The following TASP1 variants were observed in gnomAD, a reference collection of about 807,000 sequenced individuals.
TASP1 encodes the protein taspase 1.
Under a neutral mutation model 56.6 loss-of-function variants are expected in TASP1, and 16 were observed. That is an observed-to-expected ratio of 0.28 (90% confidence interval 0.19 to 0.43). TASP1 has a LOEUF of 0.43. Ranked by LOEUF, TASP1 falls within the 20% of genes least tolerant of loss-of-function variation. The probability of loss-of-function intolerance (pLI) is 1.00; values close to 1 mark genes in which losing one functional copy is unlikely to be tolerated. For missense variants in TASP1, 393 were observed against 511.6 expected (o/e 0.77, Z 2.24); for synonymous variants, 179 against 184.2 (o/e 0.97, Z 0.23).
In TASP1 at chr20:13,569,929, T is replaced by C. The variant is rs144345722; in HGVS notation, c.489-343A>G. ...GGGTTCTCAGTTAATGTCACAAGATTGGTTACTCAAATTAACAGTTTACAA... is the reference window on the plus strand; with the variant it reads ...GGGTTCTCAGTTAATGTCACAAGATCGGTTACTCAAATTAACAGTTTACAA... On this transcript the variant is annotated intron_variant, in intron 6 of 13. Transcript: ENST00000337743. 4.6e-3 allele frequency among the ~76,000 whole-genome samples: 707 copies of C among 152,272 alleles called. 4 individuals are homozygous for C. The highest frequency in any genetic ancestry group is 0.015 in the African/African-American group (632 of 41,580).
At chr20:13,132,866 A>G in the TASP1 span, 6 of 152,200 alleles carry the variant, frequency 3.9e-5, no homozygotes, top group African/African-American at 1.5e-4. Flanking sequence ...GCAGATCTCA[A>G]AAGAGTGAGC....
chr20:13,120,394 G>A, the TASP1 span, among the ~76,000 whole-genome samples: 1 of 152,172 alleles, frequency 6.6e-6, no homozygotes, highest in South Asian at 2.1e-4. Context: ...CAGACTTGCT[G>A]TTTTTCTGAA....
chr20:13,153,365 G>A, the TASP1 span, among the ~76,000 whole-genome samples: 1 of 152,148 alleles, frequency 6.6e-6, no homozygotes. Flanking sequence ...TTGTCTTTCT[G>A]TTCTGGGCCA....
chr20:13,396,382 A>C (rs1202843290), intron 13 of TASP1, among the ~76,000 whole-genome samples: 2 of 152,248 alleles, frequency 1.3e-5, no homozygotes, highest in Non-Finnish European at 2.9e-5. Context: ...ACAGTTTCAC[A>C]TGAACCTTCT....
chr20:13,286,066 C>T, the TASP1 span, among the ~76,000 whole-genome samples: 5 of 152,210 alleles, frequency 3.3e-5, no homozygotes, highest in East Asian at 9.6e-4. Flanking sequence ...AAGATTTCTT[C>T]TGACTTACTC....
At chr20:13,167,429 C>T in the TASP1 span, 7 of 152,124 alleles carry the variant, frequency 4.6e-5, no homozygotes, top group African/African-American at 1.7e-4. Flanking sequence ...GTTATGCGCA[C>T]TCAGCCCTTC....
At chr20:13,286,303 C>A in the TASP1 span, among the ~76,000 whole-genome samples, 1 of 151,566 alleles carries the variant, frequency 6.6e-6, no homozygotes, top group East Asian at 2.0e-4. Context: ...GACTGAGAGA[C>A]ACCAGACTGC....
chr20:13,542,948 A>G (rs530927900), intron 8 of TASP1, among the ~76,000 whole-genome samples: 8 of 149,014 alleles, frequency 5.4e-5, no homozygotes, highest in South Asian at 2.2e-4. Context: ...AAAAAGGGGG[A>G]AAAAAACCAA....
At chr20:13,520,715 A>G (rs760513836) in intron 10 of TASP1, among the ~76,000 whole-genome samples, 7 of 152,240 alleles carry the variant, frequency 4.6e-5, no homozygotes, top group Non-Finnish European at 4.4e-5. Context: ...AGGCAAGGGC[A>G]AGGACTTCAT....
rs2047069618 is a variant in TASP1, at chr20:13,580,171, C to T, written c.488+726G>A. ...GCTTTAAAATACTATAGGGGCCAGG[C>T]ACAGCGGCTCATGCCTGTTAATCCC... On this transcript the variant is annotated intron_variant, in intron 6 of 13. Transcript: ENST00000337743. Among the ~76,000 whole-genome samples the T allele has an allele frequency of 2.6e-5, 4 of 152,232 alleles. No homozygotes were observed. The South Asian group carries it at 8.3e-4, about 32-fold the overall frequency.
At chr20:13,530,750 T>C (rs2045189300) in intron 9 of TASP1, among the ~76,000 whole-genome samples, 3 of 152,212 alleles carry the variant, frequency 2.0e-5, no homozygotes, top group African/African-American at 7.2e-5. Context: ...TAAAATTGTC[T>C]TTCTTCTTAA....
At chr20:13,372,230 C>T in the TASP1 span, among the ~76,000 whole-genome samples, 1 of 152,222 alleles carries the variant, frequency 6.6e-6, no homozygotes, top group East Asian at 1.9e-4. Context: ...AAGCAGATTG[C>T]CCTATTCTGT....
At chr20:13,154,068 G>A in the TASP1 span, 3 of 1,614,074 alleles carry the variant, frequency 1.9e-6, no homozygotes, top group Non-Finnish European at 2.5e-6. Context: ...GCAGGAAATG[G>A]GATTCATTAT....
At chr20:13,505,597 G>A (rs2044100674) in intron 10 of TASP1, among the ~76,000 whole-genome samples, 1 of 152,196 alleles carries the variant, frequency 6.6e-6, no homozygotes, top group Non-Finnish European at 1.5e-5. Context: ...GAATTAAATA[G>A]AAACAGGTGG....
At chr20:13,204,522 T>C in the TASP1 span, among the ~76,000 whole-genome samples, 4 of 145,408 alleles carry the variant, frequency 2.8e-5, no homozygotes, top group Middle Eastern at 3.4e-3. Flanking sequence ...CCTGGATTTA[T>C]ATATTCATAT....
At chr20:13,145,536 C>G in the TASP1 span, among the ~76,000 whole-genome samples, 1 of 152,038 alleles carries the variant, frequency 6.6e-6, no homozygotes, top group Non-Finnish European at 1.5e-5. Flanking sequence ...TAGGAAGAAT[C>G]AACATCATTA....
At chr20:13,440,419 T>A (rs1413711569) in intron 11 of TASP1, among the ~76,000 whole-genome samples, 2 of 151,964 alleles carry the variant, frequency 1.3e-5, no homozygotes, top group Non-Finnish European at 1.5e-5. Context: ...GAGCAAACTG[T>A]CCAAATTGGA....
chr20:13,584,987 C>T (rs2047251298), intron 5 of TASP1, among the ~76,000 whole-genome samples: 1 of 152,074 alleles, frequency 6.6e-6, no homozygotes, highest in Non-Finnish European at 1.5e-5. Context: ...CAATCATATA[C>T]AAACCTTTTC....
At chr20:13,123,991 G>A in the TASP1 span, among the ~76,000 whole-genome samples, 3 of 152,294 alleles carry the variant, frequency 2.0e-5, no homozygotes, top group South Asian at 2.1e-4. Flanking sequence ...GGCTACTCTG[G>A]CAAATGACTG....
Sources: allele counts gnomAD v4.1 joint callset (sites outside exome capture counted in the v4.1 genomes callset), GRCh38; gene constraint gnomAD v4.1.1; transcripts MANE v1.5; gene names NCBI Gene and HGNC (gene_info 2026-07-23, HGNC 2026-07-21).